The following SNX3 variants were observed in gnomAD, a reference collection of about 807,000 sequenced individuals.
The protein encoded by SNX3 is sorting nexin-3.
SNX3 carries 5 observed loss-of-function variants against 17.7 expected under a neutral mutation model. The ratio of observed to expected loss-of-function variants is 0.28; its 90% CI spans 0.15 to 0.59. The LOEUF (loss-of-function observed/expected upper bound fraction) is 0.59, where lower values mean the gene tolerates loss of function less well. Ranked by LOEUF, SNX3 falls within the 20% of genes least tolerant of loss-of-function variation. The probability of loss-of-function intolerance (pLI) is 0.88; values close to 1 mark genes in which losing one functional copy is unlikely to be tolerated. For synonymous variants in SNX3, 91 were observed against 76.5 expected (o/e 1.19, Z -0.99); for missense variants, 132 against 206.8 (o/e 0.64, Z 2.22).
At position 108,214,620 on chromosome 6, in the gene SNX3, G is replaced by A. The variant is rs1294483908; in HGVS notation, c.261C>T (p.Val87=). 8 of 1,609,266 alleles carry A rather than the reference G, an allele frequency of 5.0e-6. No individual in the cohort carries two copies. The highest frequency in any genetic ancestry group is 1.6e-4 in the Middle Eastern group (1 of 6,066). Residue 87 remains valine, a splice_region_variant and synonymous_variant, in exon 3 of 4, where the codon GTC becomes GTT. Coordinates refer to ENST00000230085, the MANE Select transcript of SNX3 (RefSeq NM_003795.6). ...CTTTCCCAGGGAGCGGGGGAACTAC[G>A]ACCTAAAATGTGAAGACAGAAACTC... is the stretch of plus-strand genomic sequence containing the variant. ...LRSELERESK[V]VVPPLPGKAF...
chr6:108,260,612 G>A (rs1776161932), intron 1 of SNX3, 148 bp downstream of exon 1: 12 of 820,960 alleles, frequency 1.5e-5, no homozygotes, highest in South Asian at 3.3e-5. Flanking sequence ...AGGAAGAGGG[G>A]CCCTGGCTCA....
rs1250371370 is a variant in SNX3, at chr6:108,214,700, G to C, written c.259-78C>G. 27 of 1,439,258 alleles carry C rather than the reference G, an allele frequency of 1.9e-5. No individual in the cohort carries two copies. In the Admixed American group the frequency reaches 5.6e-4, roughly 30 times the overall value. The allele number at this position is 1,439,258 out of a possible 1,614,324, so 89.2% of individuals were successfully genotyped here. A position where few individuals can be genotyped will look rare whatever the true frequency, so the allele number is the denominator to read the frequency against. ...TTATAGAGCACAACATGAAGACAAA[G>C]CATGTCCTCACTATGACAGCCATCG... On this transcript the variant is annotated intron_variant, in intron 2 of 3. Coordinates refer to ENST00000230085, the MANE Select transcript of SNX3 (RefSeq NM_003795.6).
rs192049489 is a variant in SNX3 at position 108,247,392 on chromosome 6, G to A, written c.162+13368C>T. 1.2e-3 allele frequency among the ~76,000 whole-genome samples: 178 copies of A among 151,846 alleles called. 2 individuals are homozygous for A. The highest frequency in any genetic ancestry group is 3.9e-3 in the African/African-American group (161 of 41,402). Reference sequence around the variant, plus strand: ...TAGGATGTATTTTTTGAGTGTGACCGGGTCTCACTCTGTTACCTAGGCTGG... The same window carrying A: ...TAGGATGTATTTTTTGAGTGTGACCAGGTCTCACTCTGTTACCTAGGCTGG... On this transcript the variant is annotated intron_variant, in intron 1 of 3. Transcript: ENST00000230085.
chr6:108,245,055 C>A (rs1562436019), intron 1 of SNX3, among the ~76,000 whole-genome samples: 1 of 152,098 alleles, frequency 6.6e-6, no homozygotes, highest in East Asian at 1.9e-4. Context: ...AACCCGTCAT[C>A]TAAGTTTTAA....
At chr6:108,227,029 G>T (rs1582479547) in intron 1 of SNX3, among the ~76,000 whole-genome samples, 1 of 152,176 alleles carries the variant, frequency 6.6e-6, no homozygotes, top group African/African-American at 2.4e-5. Flanking sequence ...GTTGTACAGA[G>T]GGTATTCTCA....
intron 1 of SNX3, among the ~76,000 whole-genome samples, chr6:108,235,908 G>C (rs780199188): frequency 7.2e-5 from 11 of 152,062 alleles, no homozygotes; most frequent in Admixed American, 1.3e-4. Flanking sequence ...AAAGTATATA[G>C]ACTTGTTATT....
chr6:108,222,770 A>C (rs1372116252), intron 2 of SNX3, among the ~76,000 whole-genome samples, 180 bp downstream of exon 2: 1 of 152,204 alleles, frequency 6.6e-6, no homozygotes, highest in Non-Finnish European at 1.5e-5. Context: ...AGCAGACAAG[A>C]GAAAGAGTTC....
intron 2 of SNX3, among the ~76,000 whole-genome samples, chr6:108,221,472 AT>A (rs1473854641): frequency 6.6e-6 from 1 of 151,306 alleles, no homozygotes; most frequent in Non-Finnish European, 1.5e-5. Flanking sequence ...AAATAAAAAA[AT>A]CTTCAACAGT....
At chr6:108,218,899 G>T (rs528993954) in intron 2 of SNX3, among the ~76,000 whole-genome samples, 3 of 152,168 alleles carry the variant, frequency 2.0e-5, no homozygotes, top group South Asian at 4.1e-4. Flanking sequence ...TGGGGACAGG[G>T]TTTCTTTTAT....
intron 1 of SNX3, among the ~76,000 whole-genome samples, chr6:108,232,748 G>A (rs774136499): frequency 2.0e-5 from 3 of 152,116 alleles, no homozygotes; most frequent in Non-Finnish European, 2.9e-5. Flanking sequence ...TCATTAAACA[G>A]CTGCATTTCT....
intron 1 of SNX3, among the ~76,000 whole-genome samples, chr6:108,234,029 G>C (rs748368773): frequency 6.6e-6 from 1 of 152,016 alleles, no homozygotes; most frequent in Non-Finnish European, 1.5e-5. Flanking sequence ...ATGGACTACA[G>C]GGATCTCAAG....
At chr6:108,252,784 C>A (rs1775905353) in intron 1 of SNX3, among the ~76,000 whole-genome samples, 1 of 152,042 alleles carries the variant, frequency 6.6e-6, no homozygotes, top group African/African-American at 2.4e-5. Context: ...GGATTATAGG[C>A]ATGCACCACC....
intron 2 of SNX3, 46 bp from the exon 3 acceptor site, chr6:108,214,668 T>C: frequency 6.3e-7 from 1 of 1,585,102 alleles, no homozygotes; most frequent in Non-Finnish European, 8.6e-7. Flanking sequence ...GACTGGGTTG[T>C]GAAAATTTAT....
intron 1 of SNX3, chr6:108,252,087 C>CAAAAAAAAAA (rs777979859): frequency 7.7e-6 from 1 of 129,116 alleles, no homozygotes; most frequent in African/African-American, 3.0e-5. Flanking sequence ...ATAAATAAAA[C>CAAAAAAAAAA]AAACAAACAA....
In SNX3 at chr6:108,260,678, G is replaced by A. The variant is rs535770144; in HGVS notation, c.162+82C>T. The A allele has an allele frequency of 2.0e-6, 3 of 1,524,668 alleles. No individual in the cohort carries two copies. In the East Asian group the frequency reaches 7.1e-5, roughly 36 times the overall value. The allele number at this position is 1,524,668 out of a possible 1,614,324, so 94.4% of individuals were successfully genotyped here. A position where few individuals can be genotyped will look rare whatever the true frequency, so the allele number is the denominator to read the frequency against. ...CCGGCCTGGGAGGCTGTGGCTGCCC[G>A]CGGGGGTCCACTCCCGGGTCGAGTG... On this transcript the variant is annotated intron_variant, in intron 1 of 3. Coordinates refer to ENST00000230085, the MANE Select transcript of SNX3 (RefSeq NM_003795.6).
intron 3 of SNX3, 57 bp downstream of exon 3, chr6:108,214,441 A>G (rs1774502595): frequency 1.3e-6 from 2 of 1,560,900 alleles, no homozygotes; most frequent in African/African-American, 1.4e-5. Context: ...CTTAACATCT[A>G]AACTACAAGT....
At chr6:108,231,734 T>C (rs1775165739) in intron 1 of SNX3, among the ~76,000 whole-genome samples, 1 of 152,210 alleles carries the variant, frequency 6.6e-6, no homozygotes. Flanking sequence ...CCTAGCTAAT[T>C]CGAACTTACA....
At chr6:108,238,619 A>T (rs1554262409) in intron 1 of SNX3, among the ~76,000 whole-genome samples, 2 of 152,076 alleles carry the variant, frequency 1.3e-5, no homozygotes, top group Non-Finnish European at 2.9e-5. Flanking sequence ...AAAAAAGAAA[A>T]TTTTTTTAAA....
chr6:108,228,601 G>T (rs1295796296), intron 1 of SNX3, among the ~76,000 whole-genome samples: 1 of 152,060 alleles, frequency 6.6e-6, no homozygotes, highest in Non-Finnish European at 1.5e-5. Context: ...GGAAGATAAG[G>T]TGTCAGGATG....
Sources: allele counts gnomAD v4.1 joint callset (sites outside exome capture counted in the v4.1 genomes callset), GRCh38; gene constraint gnomAD v4.1.1; transcripts MANE v1.5; gene names NCBI Gene and HGNC (gene_info 2026-07-23, HGNC 2026-07-21).